The following LRRC4C variants were observed in gnomAD, a reference collection of about 807,000 sequenced individuals.
LRRC4C encodes the protein leucine-rich repeat-containing protein 4C.
In LRRC4C, 5 loss-of-function variants were observed where a neutral mutation model predicts 33.6. That is an observed-to-expected ratio of 0.15 (90% CI 0.08 to 0.31). The LOEUF is 0.31. Among genes scored for constraint, LRRC4C ranks in the 10% least tolerant of loss-of-function variants. The probability of loss-of-function intolerance (pLI) is 1.00; values close to 1 mark genes in which losing one functional copy is unlikely to be tolerated. For synonymous variants in LRRC4C, 329 were observed against 302.0 expected, an observed-to-expected ratio of 1.09 and a Z score of -0.93; for missense variants, 560 against 796.7, an observed-to-expected ratio of 0.70 and a Z score of 3.58.
intron 1 of LRRC4C, among the ~76,000 whole-genome samples, chr11:40,966,335 A>G (rs940425308): frequency 2.0e-5 from 3 of 151,962 alleles, no homozygotes; most frequent in African/African-American, 7.2e-5. Flanking sequence ...TTAGTGGAAG[A>G]GAAGCCCAAG....
intron 1 of LRRC4C, among the ~76,000 whole-genome samples, chr11:41,006,613 A>G (rs372979632): frequency 6.6e-6 from 1 of 152,152 alleles, no homozygotes; most frequent in East Asian, 1.9e-4. Flanking sequence ...TCAGTTCTCC[A>G]TCAGAATAAT....
chr11:40,246,774 CT>C (rs1866375063), intron 4 of LRRC4C, among the ~76,000 whole-genome samples: 1 of 151,892 alleles, frequency 6.6e-6, no homozygotes, highest in South Asian at 2.1e-4. Context: ...CAATTCACTA[CT>C]GATTTAACTT....
chr11:40,240,992 G>GCTT (rs1865891653), intron 5 of LRRC4C, among the ~76,000 whole-genome samples: 1 of 151,984 alleles, frequency 6.6e-6, no homozygotes, highest in South Asian at 2.1e-4. Flanking sequence ...AAAACTTTAG[G>GCTT]CTTCATCAAA....
intron 1 of LRRC4C, among the ~76,000 whole-genome samples, chr11:41,295,742 T>C (rs1488337924): frequency 6.6e-6 from 1 of 152,212 alleles, no homozygotes; most frequent in African/African-American, 2.4e-5. Flanking sequence ...AAGCTGCCTT[T>C]TTATTATTTC....
At chr11:40,377,896 T>C (rs908934780) in intron 3 of LRRC4C, among the ~76,000 whole-genome samples, 3 of 152,072 alleles carry the variant, frequency 2.0e-5, no homozygotes, top group African/African-American at 4.8e-5. Context: ...GTGACAATTC[T>C]AAACCTCTTA....
intron 2 of LRRC4C, among the ~76,000 whole-genome samples, chr11:40,804,622 C>A (rs560506411): frequency 9.9e-5 from 15 of 152,234 alleles, no homozygotes; most frequent in South Asian, 4.1e-4. Flanking sequence ...TATTATTATT[C>A]TTATTACCCA....
intron 3 of LRRC4C, among the ~76,000 whole-genome samples, chr11:40,464,969 A>T (rs1952581662): frequency 6.6e-6 from 1 of 152,076 alleles, no homozygotes; most frequent in Non-Finnish European, 1.5e-5. Context: ...AACAGTTCTA[A>T]AATTAATATG....
chr11:40,571,640 C>T (rs1751870225), intron 3 of LRRC4C, among the ~76,000 whole-genome samples: 1 of 152,086 alleles, frequency 6.6e-6, no homozygotes, highest in Non-Finnish European at 1.5e-5. Context: ...TTAGAAATAG[C>T]CCAGAGGATC....
chr11:40,819,840 T>C (rs1475386680), intron 2 of LRRC4C, among the ~76,000 whole-genome samples: 1 of 152,070 alleles, frequency 6.6e-6, no homozygotes, highest in Non-Finnish European at 1.5e-5. Flanking sequence ...ATTATTAACG[T>C]ACTCAAGATA....
chr11:40,308,421 G>A (rs1045710885), intron 4 of LRRC4C, among the ~76,000 whole-genome samples: 1 of 152,094 alleles, frequency 6.6e-6, no homozygotes, highest in Non-Finnish European at 1.5e-5. Context: ...TCCCCAAAAT[G>A]TCCATATTTG....
In LRRC4C at chr11:41,174,098, G is replaced by T. The variant is rs78410971; in HGVS notation, c.-495-240375C>A. 6.4e-4 allele frequency among the ~76,000 whole-genome samples: 98 copies of T among 151,986 alleles called. No homozygotes were observed. In the East Asian group the frequency reaches 0.015, roughly 23 times the overall value. On this transcript the variant is annotated intron_variant, in intron 1 of 6. Coordinates refer to ENST00000528697, the MANE Select transcript of LRRC4C (RefSeq NM_001258419.2). ...AATGAAATCATATTGCCTATTTTGT[G>T]ATACCTATGCTAGGCACAGGAAAAA...
At chr11:40,464,268 A>C (rs901628575) in intron 3 of LRRC4C, among the ~76,000 whole-genome samples, 1 of 152,126 alleles carries the variant, frequency 6.6e-6, no homozygotes, top group African/African-American at 2.4e-5. Context: ...AAATTGATAA[A>C]ATTCAGCATC....
At chr11:40,159,692 T>G (rs1858998897) in intron 5 of LRRC4C, among the ~76,000 whole-genome samples, 1 of 152,216 alleles carries the variant, frequency 6.6e-6, no homozygotes, top group African/African-American at 2.4e-5. Context: ...TCCGTACAAA[T>G]ACTACTTTCT....
chr11:40,223,627 A>G (rs1450452775), intron 5 of LRRC4C, among the ~76,000 whole-genome samples: 1 of 152,208 alleles, frequency 6.6e-6, no homozygotes, highest in Non-Finnish European at 1.5e-5. Flanking sequence ...GAATGTTTCA[A>G]AATTGCCTTT....
At chr11:40,667,955 C>T (rs1421247129) in intron 2 of LRRC4C, among the ~76,000 whole-genome samples, 3 of 152,176 alleles carry the variant, frequency 2.0e-5, no homozygotes, top group Non-Finnish European at 4.4e-5. Flanking sequence ...GTAACTAAAA[C>T]ACTCCTTCAT....
intron 5 of LRRC4C, among the ~76,000 whole-genome samples, chr11:40,161,024 A>T (rs925797232): frequency 2.8e-4 from 43 of 152,336 alleles, no homozygotes; most frequent in African/African-American, 1.0e-3. Context: ...CTATAACCAG[A>T]TTATTTAAAT....
intron 2 of LRRC4C, among the ~76,000 whole-genome samples, chr11:40,714,147 G>A (rs1190999061): frequency 2.0e-5 from 3 of 152,128 alleles, no homozygotes; most frequent in African/African-American, 7.2e-5. Flanking sequence ...CTCATGGGAA[G>A]CCTCTGTGAA....
chr11:41,179,176 C>T (rs914542381), intron 1 of LRRC4C, among the ~76,000 whole-genome samples: 1 of 149,732 alleles, frequency 6.7e-6, no homozygotes, highest in African/African-American at 2.5e-5. Context: ...GGAAGCAATC[C>T]TCAAGCCTCT....
chr11:40,488,792 T>A (rs993686790), intron 3 of LRRC4C, among the ~76,000 whole-genome samples: 3 of 152,166 alleles, frequency 2.0e-5, no homozygotes, highest in African/African-American at 7.2e-5. Context: ...GAGCTTTCTA[T>A]CTGCTTCCAC....
Sources: allele counts gnomAD v4.1 joint callset (sites outside exome capture counted in the v4.1 genomes callset), GRCh38; gene constraint gnomAD v4.1.1; transcripts MANE v1.5; gene names NCBI Gene and HGNC (gene_info 2026-07-23, HGNC 2026-07-21).